SMIM35: variants seen among roughly 807,000 people sequenced by gnomAD.
SMIM35 encodes the protein TMPRSS4 antisense RNA 1 (non-protein coding).
At chr11:118,052,772 G>A (rs1944238510) in intron 1 of SMIM35, among the ~76,000 whole-genome samples, 1 of 151,928 alleles carries the variant, frequency 6.6e-6, no homozygotes, top group African/African-American at 2.4e-5. Context: ...CTCTCAGCCT[G>A]GGGCACTCCT....
chr11:118,064,836 G>T (rs1001547595), intron 1 of SMIM35, among the ~76,000 whole-genome samples: 4 of 152,144 alleles, frequency 2.6e-5, no homozygotes, highest in Non-Finnish European at 5.9e-5. Flanking sequence ...GTAGAGATAG[G>T]GTTTCGCTAT....
chr11:118,009,598 C>T (rs1290907143), intron 4 of SMIM35, among the ~76,000 whole-genome samples: 1 of 152,166 alleles, frequency 6.6e-6, no homozygotes, highest in Non-Finnish European at 1.5e-5. Flanking sequence ...CTGCAGCCAT[C>T]ACCTTTCAAC....
chr11:118,077,351 T>A, intron 1 of SMIM35: 1 of 1,568,140 alleles, frequency 6.4e-7, no homozygotes, highest in South Asian at 1.2e-5. Flanking sequence ...AGGGTGGGTC[T>A]CCCCATGTAA....
chr11:118,066,078 G>A (rs996089858), intron 1 of SMIM35, among the ~76,000 whole-genome samples: 1 of 152,000 alleles, frequency 6.6e-6, no homozygotes, highest in African/African-American at 2.4e-5. Context: ...CCCCCCGGAC[G>A]TACGACCTCC....
At chr11:118,073,816 G>T (rs1399846493) in intron 1 of SMIM35, among the ~76,000 whole-genome samples, 1 of 152,268 alleles carries the variant, frequency 6.6e-6, no homozygotes, top group Non-Finnish European at 1.5e-5. Context: ...CCATGATGGG[G>T]TGGAGGAGGG....
At chr11:118,017,676 C>G (rs1387392522) in intron 1 of SMIM35, among the ~76,000 whole-genome samples, 1 of 152,118 alleles carries the variant, frequency 6.6e-6, no homozygotes, top group Non-Finnish European at 1.5e-5. Context: ...TATTCTCACA[C>G]TACTAATAAA....
chr11:118,056,482 C>T (rs908343771), intron 1 of SMIM35, among the ~76,000 whole-genome samples: 1 of 152,104 alleles, frequency 6.6e-6, no homozygotes, highest in African/African-American at 2.4e-5. Flanking sequence ...GTTCCATCGT[C>T]CTGTTGAGCT....
chr11:118,008,304 A>G (rs1381509124), intron 4 of SMIM35, among the ~76,000 whole-genome samples: 2 of 152,184 alleles, frequency 1.3e-5, no homozygotes, highest in Admixed American at 1.3e-4. Flanking sequence ...CACGGCTTCT[A>G]GATGGTTTTA....
rs1175715245 is a variant in SMIM35, at chr11:118,020,856, G to T, written c.8-5047C>A. On this transcript the variant is annotated intron_variant, in intron 1 of 4. Coordinates refer to ENST00000689828, the MANE Select transcript of SMIM35 (RefSeq NM_001394165.1). ...TATTGGTTAGAACTTCCAGTATAAT[G>T]TACCTTGATATATGTATTTGATGCT... 3.9e-5 allele frequency among the ~76,000 whole-genome samples: 6 copies of T among 152,250 alleles called. No individual in the cohort carries two copies. The South Asian group carries it at 6.2e-4, about 16-fold the overall frequency.
intron 1 of SMIM35, among the ~76,000 whole-genome samples, chr11:118,024,097 A>T (rs1194043914): frequency 6.6e-6 from 1 of 152,024 alleles, no homozygotes; most frequent in Non-Finnish European, 1.5e-5. Flanking sequence ...ATGTGTAATT[A>T]GATTCCCTGA....
intron 1 of SMIM35, among the ~76,000 whole-genome samples, chr11:118,054,172 T>G (rs1055304288): frequency 8.6e-5 from 13 of 151,042 alleles, no homozygotes; most frequent in Admixed American, 6.0e-4. Flanking sequence ...TTGTTTTGTT[T>G]TTTTGTTTGT....
intron 4 of SMIM35, among the ~76,000 whole-genome samples, chr11:118,011,722 G>C (rs936640343): frequency 6.6e-6 from 1 of 152,006 alleles, no homozygotes; most frequent in Non-Finnish European, 1.5e-5. Context: ...TTTTACTGGG[G>C]CCCAAACCTC....
intron 1 of SMIM35, among the ~76,000 whole-genome samples, chr11:118,016,511 C>T (rs1307178524): frequency 1.3e-5 from 2 of 152,288 alleles, no homozygotes; most frequent in East Asian, 3.9e-4. Context: ...AGGCCAGCCC[C>T]ACTCCTGCCC....
chr11:118,030,923 G>A (rs1164781741), intron 1 of SMIM35, among the ~76,000 whole-genome samples: 2 of 152,064 alleles, frequency 1.3e-5, no homozygotes, highest in African/African-American at 4.8e-5. Context: ...AGCCCAGCAT[G>A]AAGTATCAGA....
chr11:118,039,172 G>A (rs1446518500), intron 1 of SMIM35, among the ~76,000 whole-genome samples: 1 of 152,126 alleles, frequency 6.6e-6, no homozygotes. Flanking sequence ...CAAAAATGAA[G>A]GGAGAAAGAC....
chr11:118,043,629 T>A (rs1219120929), intron 1 of SMIM35, among the ~76,000 whole-genome samples: 2 of 151,816 alleles, frequency 1.3e-5, no homozygotes, highest in Non-Finnish European at 2.9e-5. Flanking sequence ...GCTAACACAG[T>A]GACACCCTGT....
chr11:118,006,874 G>A (rs1464757316), intron 4 of SMIM35, among the ~76,000 whole-genome samples: 4 of 152,164 alleles, frequency 2.6e-5, no homozygotes, highest in Non-Finnish European at 5.9e-5. Context: ...TAGACCAAAT[G>A]GGAAGGCAAG....
chr11:118,010,082 A>G (rs2058142483), intron 4 of SMIM35, among the ~76,000 whole-genome samples: 1 of 152,254 alleles, frequency 6.6e-6, no homozygotes, highest in Non-Finnish European at 1.5e-5. Context: ...CTGTGTCTCA[A>G]GCTTGACATA....
intron 1 of SMIM35, chr11:118,067,115 G>A (rs1944486511): frequency 1.3e-5 from 2 of 152,070 alleles, no homozygotes; most frequent in African/African-American, 4.8e-5. Flanking sequence ...CAGACCATGT[G>A]TAAACATGTC....
Sources: gnomAD v4.1 joint callset for allele counts (sites outside exome capture counted in the v4.1 genomes callset) on GRCh38, gnomAD v4.1.1 for gene constraint, MANE v1.5 for transcripts, NCBI Gene and HGNC (gene_info 2026-07-23, HGNC 2026-07-21) for gene names.